Variants in MCTP1 observed in about 807,000 individuals in gnomAD.
The protein encoded by MCTP1 is multiple C2 and transmembrane domain containing 1.
In MCTP1, 69 loss-of-function variants were observed where a neutral mutation model predicts 120.6. The ratio of observed to expected loss-of-function variants is 0.57; its 90% confidence interval spans 0.47 to 0.70. The LOEUF is 0.70. Among genes scored for constraint, MCTP1 ranks in the 30% least tolerant of loss-of-function variants. MCTP1 has a pLI of 0.00. For missense variants in MCTP1, 1,203 were observed against 1,248.8 expected (o/e 0.96, Z 0.55); for synonymous variants, 529 against 493.1 (o/e 1.07, Z -0.96).
At chr5:94,888,822 G>T in intron 12 of MCTP1, 57 bp downstream of exon 12, 1 of 1,022,758 alleles carries the variant, frequency 9.8e-7, no homozygotes, top group Non-Finnish European at 1.6e-6. Context: ...TTATTAAATG[G>T]TGTAGACCTT....
rs1188104777 is a variant in MCTP1, at chr5:94,757,356, G to A, written c.2610+21754C>T. On this transcript the variant is annotated intron_variant, in intron 19 of 22. Transcript: ENST00000515393. ...CAAGGCAGACCTCAACAGAGGCTAA[G>A]AGGAAGGTGCAAAGTAAGAAATATC... Among the ~76,000 whole-genome samples, 3 of 152,186 alleles carry A rather than the reference G, an allele frequency of 2.0e-5. No individual in the cohort carries two copies. The East Asian group carries it at 5.8e-4, about 29-fold the overall frequency.
intron 1 of MCTP1, among the ~76,000 whole-genome samples, chr5:95,131,150 T>C (rs1352862953): frequency 6.6e-6 from 1 of 152,120 alleles, no homozygotes; most frequent in Non-Finnish European, 1.5e-5. Flanking sequence ...GAGCAACAAA[T>C]AGAGTGCTTT....
intron 1 of MCTP1, among the ~76,000 whole-genome samples, chr5:95,026,666 G>C (rs1839323850): frequency 1.3e-5 from 2 of 152,244 alleles, no homozygotes; most frequent in Non-Finnish European, 2.9e-5. Context: ...TTGTAGCACT[G>C]TACAGTGGGG....
At chr5:94,916,233 A>G (rs972504514) in intron 8 of MCTP1, among the ~76,000 whole-genome samples, 2 of 152,242 alleles carry the variant, frequency 1.3e-5, no homozygotes, top group Non-Finnish European at 2.9e-5. Context: ...AAGGTAAAAG[A>G]TATAAACATA....
chr5:95,015,968 A>T (rs1837029673), intron 2 of MCTP1, among the ~76,000 whole-genome samples: 1 of 152,138 alleles, frequency 6.6e-6, no homozygotes, highest in Admixed American at 6.5e-5. Flanking sequence ...AAACTAAAAA[A>T]AGTTGTATAC....
At chr5:95,103,966 C>T (rs1277987840) in intron 1 of MCTP1, among the ~76,000 whole-genome samples, 2 of 152,144 alleles carry the variant, frequency 1.3e-5, no homozygotes, top group Non-Finnish European at 2.9e-5. Flanking sequence ...CAGTGCCTGT[C>T]CATTCCTGTG....
chr5:94,716,407 AAGTT>A (rs551667747), intron 19 of MCTP1, among the ~76,000 whole-genome samples: 80 of 152,182 alleles, frequency 5.3e-4, no homozygotes, highest in South Asian at 1.7e-3. Context: ...AAAAAAAAAA[AAGTT>A]AGTTTCACCT....
chr5:95,185,029 G>A (rs1390656780), intron 1 of MCTP1, among the ~76,000 whole-genome samples: 1 of 152,156 alleles, frequency 6.6e-6, no homozygotes, highest in Admixed American at 6.5e-5. Flanking sequence ...CCGGTCTCTT[G>A]CACAGCCGGC....
chr5:95,245,501 A>T (rs1382260393), intron 1 of MCTP1, among the ~76,000 whole-genome samples: 1 of 152,220 alleles, frequency 6.6e-6, no homozygotes, highest in Admixed American at 6.5e-5. Context: ...TGGAGCTGAA[A>T]ACCACAGCAC....
At chr5:94,987,564 A>G (rs13360791) in intron 2 of MCTP1, among the ~76,000 whole-genome samples, 19,967 of 152,154 alleles carry the variant, frequency 0.13, 2,256 homozygotes, top group African/African-American at 0.3. Flanking sequence ...ATCAAAAGTA[A>G]AAGACAGCTT....
intron 1 of MCTP1, among the ~76,000 whole-genome samples, chr5:95,097,191 T>C (rs973721418): frequency 1.3e-5 from 2 of 152,102 alleles, no homozygotes; most frequent in Admixed American, 6.6e-5. Context: ...TGTTCTTAAA[T>C]AGAGCAAAAA....
intron 19 of MCTP1, among the ~76,000 whole-genome samples, chr5:94,766,010 C>T (rs547369416): frequency 2.6e-5 from 4 of 152,176 alleles, no homozygotes; most frequent in Admixed American, 6.5e-5. Flanking sequence ...TTTGGGAGGC[C>T]GAGGAGGGCA....
chr5:95,096,519 T>C (rs944168832), intron 1 of MCTP1, among the ~76,000 whole-genome samples: 2 of 151,904 alleles, frequency 1.3e-5, no homozygotes, highest in African/African-American at 4.8e-5. Flanking sequence ...TGGGAAGGGA[T>C]AGAGTGCATG....
rs532646281 is a variant in MCTP1 at position 95,255,429 on chromosome 5, A to G, written c.720+28427T>C. ...AGGCATTTTTAGAATTCATTCTTTC[A>G]TTTCCCAATCATATACTACAGCAGG... On this transcript the variant is annotated intron_variant, in intron 1 of 22. Transcript: ENST00000515393. Among the ~76,000 whole-genome samples, 12 of 152,296 alleles carry G rather than the reference A, an allele frequency of 7.9e-5. No individual in the cohort carries two copies. The South Asian group carries it at 1.9e-3, about 24-fold the overall frequency.
intron 16 of MCTP1, 32 bp from the exon 17 acceptor site, chr5:94,868,484 T>C (rs749198170): frequency 6.5e-7 from 1 of 1,540,634 alleles, no homozygotes. Context: ...TATTATAATT[T>C]GCAAGACTAA....
rs78575897 is a variant in MCTP1 at position 94,796,020 on chromosome 5, C to T, written c.2556+2993G>A. On this transcript the variant is annotated intron_variant, in intron 18 of 22. Coordinates refer to ENST00000515393, the MANE Select transcript of MCTP1 (RefSeq NM_024717.7). ...AAGGAAAGACTCCTTAAACAATAAACACACAAAGAAACACTTTCCTGTTTG... is the reference window on the plus strand; with the variant it reads ...AAGGAAAGACTCCTTAAACAATAAATACACAAAGAAACACTTTCCTGTTTG... 2.0e-5 allele frequency among the ~76,000 whole-genome samples: 3 copies of T among 152,310 alleles called. No homozygotes were observed. The East Asian group carries it at 5.8e-4, about 29-fold the overall frequency.
At position 94,710,895 on chromosome 5, in the gene MCTP1, C is replaced by A; in HGVS notation, c.2753G>T (p.Trp918Leu). 3 of 1,612,836 alleles carry A rather than the reference C, an allele frequency of 1.9e-6. No individual in the cohort carries two copies. The South Asian group carries it at 3.3e-5, about 18-fold the overall frequency. ...TFNWTVPFLS[W>L]LAIVALCVFT... ...CACACAGAGGGCTACAATGGCCAGC[C>A]AGCTTAAGAATGGGACAGTCCAGTT... The change falls in exon 21 of 23, where the codon TGG (tryptophan) becomes TTG (leucine). Residue 918 changes from tryptophan (W) to leucine (L), a missense_variant. Physicochemically the swap from Trp to Leu is moderately conservative, Grantham distance 61 (BLOSUM62 -2). This residue lies in a region of MCTP1 where 740 missense variants were observed against 871.1 expected (regional missense o/e 0.85). Coordinates refer to ENST00000515393, the MANE Select transcript of MCTP1 (RefSeq NM_024717.7).
chr5:95,066,427 G>T (rs1358285943), intron 1 of MCTP1, among the ~76,000 whole-genome samples: 1 of 152,120 alleles, frequency 6.6e-6, no homozygotes, highest in Non-Finnish European at 1.5e-5. Flanking sequence ...AGCCATTAGA[G>T]AAAACAGTAC....
At chr5:95,182,617 T>C (rs1007426347) in intron 1 of MCTP1, among the ~76,000 whole-genome samples, 3 of 152,222 alleles carry the variant, frequency 2.0e-5, no homozygotes, top group Non-Finnish European at 4.4e-5. Flanking sequence ...ACAATCATTT[T>C]GCATGGTTTC....
Sources: allele counts gnomAD v4.1 joint callset (sites outside exome capture counted in the v4.1 genomes callset), GRCh38; gene constraint gnomAD v4.1.1; regional missense constraint gnomAD v4.1.1; transcripts MANE v1.5; gene names NCBI Gene and HGNC (gene_info 2026-07-23, HGNC 2026-07-21).